HAPLN2: variants seen among roughly 807,000 people sequenced by gnomAD.
The protein encoded by HAPLN2 is hyaluronan and proteoglycan link protein 2.
In HAPLN2, 27 loss-of-function variants were observed where a neutral mutation model predicts 29.3. The ratio of observed to expected loss-of-function variants is 0.92; its 90% CI spans 0.68 to 1.27. The LOEUF is 1.27. Among genes scored for constraint, HAPLN2 ranks in the 50% most tolerant of loss-of-function variants. HAPLN2 has a pLI of 0.00. For missense variants in HAPLN2, 454 were observed against 484.3 expected, an observed-to-expected ratio of 0.94 and a Z score of 0.59; for synonymous variants, 208 against 211.7, an observed-to-expected ratio of 0.98 and a Z score of 0.15.
chr1:156,618,305 C>CAAAAA (rs57219264), upstream of HAPLN2, among the ~76,000 whole-genome samples: 1 of 103,216 alleles, frequency 9.7e-6, no homozygotes, highest in Non-Finnish European at 1.8e-5. Flanking sequence ...GACTCTGTCT[C>CAAAAA]AAAAAAAAAA....
chr1:156,623,375 C>G lies in HAPLN2; in HGVS notation c.-24-92C>G, dbSNP rs750057580. On this transcript the variant is annotated intron_variant, in intron 2 of 6. Coordinates refer to ENST00000255039, the MANE Select transcript of HAPLN2 (RefSeq NM_021817.3). Reference sequence around the variant, plus strand: ...GTGGCTTCCAGCTGGACAGTCCCTTCTAGGATCTCTGATGGGAGTTCACCC... The same window carrying G: ...GTGGCTTCCAGCTGGACAGTCCCTTGTAGGATCTCTGATGGGAGTTCACCC... 4.7e-4 allele frequency: 519 copies of G among 1,099,142 alleles called. 2 individuals carry two copies. The highest frequency in any genetic ancestry group is 6.5e-4 in the Non-Finnish European group (494 of 762,290). 68.1% of individuals were successfully genotyped at this position (1,099,142 alleles called of 1,614,324 possible).
chr1:156,621,214 C>T (rs1254395975), intron 2 of HAPLN2, among the ~76,000 whole-genome samples: 1 of 150,350 alleles, frequency 6.7e-6, no homozygotes, highest in Admixed American at 6.7e-5. Context: ...AAGCGATTCT[C>T]CTGCCTCAGC....
At chr1:156,612,797 T>G in the HAPLN2 span, among the ~76,000 whole-genome samples, 1 of 152,206 alleles carries the variant, frequency 6.6e-6, no homozygotes, top group Non-Finnish European at 1.5e-5. Flanking sequence ...GGTCCTACCC[T>G]TCCAAGAGTT....
chr1:156,611,359 G>A, the HAPLN2 span, among the ~76,000 whole-genome samples: 1 of 150,468 alleles, frequency 6.6e-6, no homozygotes, highest in African/African-American at 2.4e-5. Context: ...GAGGTCAGGA[G>A]TTCAAGACCA....
At chr1:156,606,452 A>AGAATCCTGT in the HAPLN2 span, among the ~76,000 whole-genome samples, 1 of 149,048 alleles carries the variant, frequency 6.7e-6, no homozygotes, top group Non-Finnish European at 1.5e-5. Context: ...AAAAAAGGAA[A>AGAATCCTGT]GAATCCTGTG....
chr1:156,606,357 T>TGGAGCTCA, the HAPLN2 span, among the ~76,000 whole-genome samples: 1 of 148,158 alleles, frequency 6.7e-6, no homozygotes, highest in South Asian at 2.2e-4. Flanking sequence ...GTGGGAGAAT[T>TGGAGCTCA]GCTTGGAGCC....
the HAPLN2 span, among the ~76,000 whole-genome samples, chr1:156,605,429 TAA>T: frequency 1.4e-5 from 2 of 140,652 alleles, no homozygotes; most frequent in African/African-American, 5.2e-5. Flanking sequence ...CTGTCTCTAA[TAA>T]AAAAAAAAAA....
the HAPLN2 span, among the ~76,000 whole-genome samples, chr1:156,613,501 T>C: frequency 1.3e-5 from 2 of 152,216 alleles, no homozygotes; most frequent in Non-Finnish European, 2.9e-5. Flanking sequence ...CAGGTTAGCC[T>C]TTACCCAACA....
chr1:156,624,681 G>T lies in HAPLN2; in HGVS notation c.637G>T (p.Ala213Ser). 3.1e-6 allele frequency: 5 copies of T among 1,603,164 alleles called. No individual in the cohort carries two copies. The highest frequency in any genetic ancestry group is 2.5e-6 in the Non-Finnish European group (3 of 1,176,642). Residue 213 changes from alanine to serine, a missense_variant, in exon 6 of 7, where the codon GCC becomes TCC. Physicochemically the swap from Ala to Ser is moderately conservative, Grantham distance 99. Around this residue, in one of 3 missense-constraint regions of HAPLN2, gnomAD observed 235 missense variants for 236.9 expected, o/e 0.99. Transcript: ENST00000255039. ...SVRYPVLTAR[A>S]PCGGRGRPGI... Reference sequence around the variant, plus strand: ...GCGCTACCCTGTGCTCACCGCACGCGCCCCGTGCGGCGGCCGAGGCCGGCC... The same window carrying T: ...GCGCTACCCTGTGCTCACCGCACGCTCCCCGTGCGGCGGCCGAGGCCGGCC...
chr1:156,621,102 A>ATTTTTTTTT (rs10653107), intron 2 of HAPLN2, among the ~76,000 whole-genome samples: 1 of 126,086 alleles, frequency 7.9e-6, no homozygotes, highest in African/African-American at 3.0e-5. Flanking sequence ...AGAAGTCTTC[A>ATTTTTTTTT]TTTTTTTTTT....
At chr1:156,624,909 G>GGCCCCCCCCCCCCCCCCCCCCCCC in intron 6 of HAPLN2, 126 bp downstream of exon 6, 3 of 999,512 alleles carry the variant, frequency 3.0e-6, no homozygotes, top group South Asian at 3.6e-5. Context: ...CCCCCCATCA[G>GGCCCCCCCCCCCCCCCCCCCCCCC]CCCGCCCGCC....
chr1:156,601,724 C>G, the HAPLN2 span, among the ~76,000 whole-genome samples: 2 of 152,006 alleles, frequency 1.3e-5, no homozygotes, highest in African/African-American at 4.8e-5. Flanking sequence ...AGAACGGCTC[C>G]GCGTCCTACA....
rs1223886779 is a variant in HAPLN2, at chr1:156,625,001, C to T, written c.740-100C>T. 7 of 1,410,058 alleles carry T rather than the reference C, an allele frequency of 5.0e-6. No homozygotes were observed. In the African/African-American group the frequency reaches 8.6e-5, roughly 17 times the overall value. 87.3% of individuals were successfully genotyped at this position (1,410,058 alleles called of 1,614,324 possible). A position where few individuals can be genotyped will look rare whatever the true frequency, so the allele number is the denominator to read the frequency against. ...CAACTCCTCTTACCCAAGCTCGATC[C>T]AGCACCTCTGCGGTCCCGCACCCCA... is the stretch of plus-strand genomic sequence containing the variant. On this transcript the variant is annotated intron_variant, in intron 6 of 6. Coordinates refer to ENST00000255039, the MANE Select transcript of HAPLN2 (RefSeq NM_021817.3). The surrounding 1 kb of genome is among the most constrained non-coding windows in gnomAD (Gnocchi z 5.7).
the HAPLN2 span, among the ~76,000 whole-genome samples, chr1:156,612,151 G>T: frequency 6.6e-6 from 1 of 152,102 alleles, no homozygotes; most frequent in African/African-American, 2.4e-5. Flanking sequence ...TGCCTCCCCA[G>T]TAGCTGGGAT....
the HAPLN2 span, among the ~76,000 whole-genome samples, chr1:156,612,163 A>T: frequency 6.6e-6 from 1 of 152,146 alleles, no homozygotes; most frequent in African/African-American, 2.4e-5. Context: ...AGCTGGGATT[A>T]CATGTGCCCA....
At chr1:156,605,597 T>TC in the HAPLN2 span, among the ~76,000 whole-genome samples, 2 of 4,240 alleles carry the variant, frequency 4.7e-4, no homozygotes, top group Non-Finnish European at 1.3e-3. Flanking sequence ...AGACTTGGTC[T>TC]CAAAAAAAAA....
At chr1:156,609,176 G>T in the HAPLN2 span, among the ~76,000 whole-genome samples, 2 of 152,192 alleles carry the variant, frequency 1.3e-5, no homozygotes, top group Admixed American at 6.5e-5. Context: ...ACGGACACCT[G>T]GTGATCCCCT....
the HAPLN2 span, among the ~76,000 whole-genome samples, chr1:156,602,438 T>G: frequency 6.7e-6 from 1 of 149,226 alleles, no homozygotes; most frequent in Non-Finnish European, 1.5e-5. Flanking sequence ...TGAGACGCGG[T>G]GGCTCATGCC....
chr1:156,624,265 C>G, intron 4 of HAPLN2, 86 bp from the exon 5 acceptor site: 1 of 1,505,022 alleles, frequency 6.6e-7, no homozygotes, highest in Non-Finnish European at 9.0e-7. Context: ...CCTGGGGACC[C>G]CAGCTCCCTC....
Sources: gnomAD v4.1 joint callset for allele counts (sites outside exome capture counted in the v4.1 genomes callset) on GRCh38, gnomAD v4.1.1 for gene constraint, gnomAD v4.1.1 regional missense constraint, Gnocchi (gnomAD v3.1) non-coding constraint, MANE v1.5 for transcripts, NCBI Gene and HGNC (gene_info 2026-07-23, HGNC 2026-07-21) for gene names.